The following PITPNM3 variants were observed in gnomAD, a reference collection of about 807,000 sequenced individuals.
PITPNM3 encodes the protein membrane-associated phosphatidylinositol transfer protein 3.
Under a neutral mutation model 102.0 loss-of-function variants are expected in PITPNM3, and 26 were observed. The observed-to-expected ratio is 0.25, with a 90% CI of 0.19 to 0.35. The LOEUF (loss-of-function observed/expected upper bound fraction) is 0.35. Ranked by LOEUF, PITPNM3 falls within the 10% of genes least tolerant of loss-of-function variation. The pLI, the probability that PITPNM3 is intolerant of heterozygous loss-of-function variation, is 1.00. For synonymous variants in PITPNM3, 578 were observed against 558.6 expected, an observed-to-expected ratio of 1.03 and a Z score of -0.49; for missense variants, 1,083 against 1,346.1, an observed-to-expected ratio of 0.80 and a Z score of 3.06.
rs544408567 is a variant in PITPNM3 at position 6,487,529 on chromosome 17, C to T, written c.275-3237G>A. Among the ~76,000 whole-genome samples the T allele has an allele frequency of 2.0e-5, 3 of 152,322 alleles. No individual in the cohort carries two copies. The South Asian group carries it at 6.2e-4, about 32-fold the overall frequency. On this transcript the variant is annotated intron_variant, in intron 4 of 19. Coordinates refer to ENST00000262483, the MANE Select transcript of PITPNM3 (RefSeq NM_031220.4). ...CCCTGAGCCCTGGCATGCTCCTCGG[C>T]CTTGCTGGGCTGGGCGCCTGTTTGC...
At position 6,451,892 on chromosome 17, in the gene PITPNM3, C is replaced by CCA. The variant is rs55984944; in HGVS notation, c.*3445_*3446insTG. Reference sequence around the variant, plus strand: ...ACCCAAACCCCCCCCCCCCGCCCGCCGATGGGATTCGGTGGGAAAGTTGGT... The same window carrying CCA: ...ACCCAAACCCCCCCCCCCCGCCCGCCCAGATGGGATTCGGTGGGAAAGTTGGT... On this transcript the variant is annotated 3_prime_UTR_variant, in exon 20 of 20. Coordinates refer to ENST00000262483, the MANE Select transcript of PITPNM3 (RefSeq NM_031220.4). The CCA allele has an allele frequency of 1.9e-3, 176 of 94,260 alleles. 2 individuals carry two copies. The highest frequency in any genetic ancestry group is 3.5e-3 in the African/African-American group (84 of 23,750). 5.8% of individuals were successfully genotyped at this position (94,260 alleles called of 1,614,324 possible). A position where few individuals can be genotyped will look rare whatever the true frequency, so the allele number is the denominator to read the frequency against.
intron 1 of PITPNM3, among the ~76,000 whole-genome samples, chr17:6,546,925 T>G (rs1910049610): frequency 6.6e-6 from 1 of 151,976 alleles, no homozygotes; most frequent in Non-Finnish European, 1.5e-5. Context: ...GAGAACTGCT[T>G]GAACCCGGGA....
intron 8 of PITPNM3, 126 bp from the exon 9 acceptor site, chr17:6,477,339 C>T (rs1905369165): frequency 3.0e-6 from 3 of 1,001,534 alleles, no homozygotes; most frequent in Non-Finnish European, 4.6e-6. Context: ...TACCCTTCTT[C>T]CAAAAGACAC....
rs539412198 is a variant in PITPNM3, at chr17:6,503,311, T to C, written c.274+216A>G. 3.9e-5 allele frequency among the ~76,000 whole-genome samples: 6 copies of C among 152,162 alleles called. No individual in the cohort carries two copies. In the South Asian group the frequency reaches 6.2e-4, roughly 16 times the overall value. The stretch of plus-strand genomic sequence containing the variant: ...TGAGCTGGCCTGAGCTGCCCAGTGA[T>C]AGGAACTCAGGAACCCGAGGAGGCT... On this transcript the variant is annotated intron_variant, in intron 4 of 19. Coordinates refer to ENST00000262483, the MANE Select transcript of PITPNM3 (RefSeq NM_031220.4).
At chr17:6,552,762 C>CT (rs34225911) in intron 1 of PITPNM3, among the ~76,000 whole-genome samples, 1,877 of 88,968 alleles carry the variant, frequency 0.021, 52 homozygotes, top group Admixed American at 0.041. Context: ...CTTTCTTTTT[C>CT]TTTTTTTTTT....
In PITPNM3 at chr17:6,469,429, C is replaced by A. The variant is rs947728386; in HGVS notation, c.1773+831G>T. Among the ~76,000 whole-genome samples, 190 of 151,760 alleles carry A rather than the reference C, an allele frequency of 1.3e-3. 2 individuals carry two copies. The highest frequency in any genetic ancestry group is 2.2e-4 in the Non-Finnish European group (15 of 67,908). On this transcript the variant is annotated intron_variant, in intron 13 of 19. Transcript: ENST00000262483. This position sits in a 1 kb window ranked among gnomAD's most constrained non-coding sequence, Gnocchi z 4.0. ...ACTCTCTCCCACCCCCAAGAACCTA[C>A]AAACAAAACTCACTTTCCTCCGCCC...
rs1409990137 is a variant in PITPNM3, at chr17:6,459,448, C to T, written c.2491-1726G>A. The stretch of plus-strand genomic sequence containing the variant: ...GGCCCAGCACAGCCTCTTCTAACGC[C>T]TCATCTCCCGTCTCATGGCTCCACT... On this transcript the variant is annotated intron_variant, in intron 18 of 19. Coordinates refer to ENST00000262483, the MANE Select transcript of PITPNM3 (RefSeq NM_031220.4). This position sits in a 1 kb window ranked among gnomAD's most constrained non-coding sequence, Gnocchi z 5.0. 1.3e-5 allele frequency among the ~76,000 whole-genome samples: 2 copies of T among 152,010 alleles called. No individual in the cohort carries two copies. Among genetic ancestry groups the T allele is most frequent in the Non-Finnish European group, 2.9e-5 (2 of 68,010 alleles).
chr17:6,497,923 G>A (rs1187057073), intron 4 of PITPNM3, among the ~76,000 whole-genome samples: 3 of 152,204 alleles, frequency 2.0e-5, no homozygotes, highest in Non-Finnish European at 2.9e-5. Context: ...CCTGCCCCTC[G>A]TGGAGCTGCT....
At chr17:6,540,397 T>A (rs1467157187) in intron 1 of PITPNM3, among the ~76,000 whole-genome samples, 1 of 152,168 alleles carries the variant, frequency 6.6e-6, no homozygotes, top group Non-Finnish European at 1.5e-5. Context: ...GTGTCTCTTA[T>A]GTGATAATTA....
intron 3 of PITPNM3, among the ~76,000 whole-genome samples, chr17:6,522,286 G>GCGTGCA (rs145090085): frequency 6.7e-6 from 1 of 149,218 alleles, no homozygotes; most frequent in African/African-American, 2.5e-5. Flanking sequence ...TTTAGTGTGC[G>GCGTGCA]CACACACACA....
intron 19 of PITPNM3, among the ~76,000 whole-genome samples, chr17:6,455,897 C>A (rs1367480745): frequency 6.6e-6 from 1 of 151,712 alleles, no homozygotes; most frequent in Non-Finnish European, 1.5e-5. Flanking sequence ...TCCAAGGAAC[C>A]CTGGGGAAGT....
chr17:6,546,594 C>T (rs1910029765), intron 1 of PITPNM3, among the ~76,000 whole-genome samples: 1 of 152,272 alleles, frequency 6.6e-6, no homozygotes, highest in African/African-American at 2.4e-5. Context: ...CCCAGCTTGA[C>T]TCAGTCACAG....
chr17:6,522,286 G>GCGCACACACACA (rs145090085), intron 3 of PITPNM3, among the ~76,000 whole-genome samples: 4,819 of 149,282 alleles, frequency 0.032, 255 homozygotes, highest in African/African-American at 0.11. Context: ...TTTAGTGTGC[G>GCGCACACACACA]CACACACACA....
At chr17:6,555,341 G>T (rs553318485) in intron 1 of PITPNM3, among the ~76,000 whole-genome samples, 2 of 152,216 alleles carry the variant, frequency 1.3e-5, no homozygotes, top group Admixed American at 6.5e-5. Context: ...CGGGCTTGGG[G>T]GTGGATTGAC....
Position 6,470,280 on chromosome 17 carries a change from C to T in PITPNM3, c.1753G>A (p.Val585Met), listed in dbSNP as rs1345346092. The change falls in exon 13 of 20, where the codon GTG becomes ATG. Residue 585 changes from valine to methionine, a missense_variant. Transcript: ENST00000262483. This position sits in a 1 kb window ranked among gnomAD's most constrained non-coding sequence, Gnocchi z 4.8. ...HASYWESTDV[V>M]AFILRQVMRY... ...AGTACCTGTCTCAGGATGAAGGCCA[C>T]CACGTCTGTGGACTCCCAGTAACTG... 1.2e-6 allele frequency: 2 copies of T among 1,611,142 alleles called. No homozygotes were observed. The highest frequency in any genetic ancestry group is 1.7e-6 in the Non-Finnish European group (2 of 1,178,796).
intron 3 of PITPNM3, among the ~76,000 whole-genome samples, chr17:6,524,763 C>T (rs1908728513): frequency 6.6e-6 from 1 of 152,192 alleles, no homozygotes; most frequent in Non-Finnish European, 1.5e-5. Context: ...ACAGTAGGTG[C>T]TCAATGAGCC....
intron 14 of PITPNM3, among the ~76,000 whole-genome samples, chr17:6,467,096 G>T (rs866724434): frequency 1.3e-4 from 12 of 93,110 alleles, no homozygotes; most frequent in African/African-American, 4.5e-4. Context: ...AAAAAAAACA[G>T]GTGAAAACAA....
intron 16 of PITPNM3, 140 bp from the exon 17 acceptor site, chr17:6,464,021 G>C: frequency 6.5e-7 from 1 of 1,530,416 alleles, no homozygotes; most frequent in Non-Finnish European, 9.0e-7. Flanking sequence ...CTGATGCCAC[G>C]GCTGGTGACC....
chr17:6,506,358 T>C (rs559630172), intron 3 of PITPNM3, among the ~76,000 whole-genome samples: 2 of 147,046 alleles, frequency 1.4e-5, no homozygotes, highest in South Asian at 4.3e-4. Context: ...TTCCTTTCTA[T>C]TCTTTTCTTT....
Sources: gnomAD v4.1 joint callset for allele counts (sites outside exome capture counted in the v4.1 genomes callset) on GRCh38, gnomAD v4.1.1 for gene constraint, Gnocchi (gnomAD v3.1) non-coding constraint, MANE v1.5 for transcripts, NCBI Gene and HGNC (gene_info 2026-07-23, HGNC 2026-07-21) for gene names.